Variants in XKR6 observed in about 807,000 individuals in gnomAD.
XKR6 encodes XK related 6.
Under a neutral mutation model 56.7 loss-of-function variants are expected in XKR6, and 22 were observed. That is an observed-to-expected ratio of 0.39 (90% confidence interval 0.28 to 0.55). The LOEUF is 0.55. Ranked by LOEUF, XKR6 falls within the 20% of genes least tolerant of loss-of-function variation. The probability of loss-of-function intolerance (pLI) is 0.66; values close to 1 mark genes in which losing one functional copy is unlikely to be tolerated. For synonymous variants in XKR6, 524 were observed against 387.8 expected (o/e 1.35, Z -4.13); for missense variants, 852 against 889.0 (o/e 0.96, Z 0.53).
chr8:11,095,455 T>G (rs771964365), intron 1 of XKR6, among the ~76,000 whole-genome samples: 1 of 152,200 alleles, frequency 6.6e-6, no homozygotes, highest in African/African-American at 2.4e-5. Flanking sequence ...GCCAGTCAAA[T>G]AGGTAACACT....
chr8:10,974,217 C>T (rs1215157768), intron 1 of XKR6, among the ~76,000 whole-genome samples: 1 of 152,190 alleles, frequency 6.6e-6, no homozygotes, highest in Non-Finnish European at 1.5e-5. Flanking sequence ...CACATGTTAG[C>T]TGTAAGCGAA....
chr8:11,074,988 G>C (rs964485016), intron 1 of XKR6, among the ~76,000 whole-genome samples: 6 of 152,206 alleles, frequency 3.9e-5, no homozygotes, highest in African/African-American at 1.4e-4. Flanking sequence ...CCAGGACGCA[G>C]AGCAGAGCCT....
At chr8:11,135,055 C>T (rs1800312475) in intron 1 of XKR6, among the ~76,000 whole-genome samples, 2 of 142,484 alleles carry the variant, frequency 1.4e-5, no homozygotes, top group South Asian at 2.2e-4. Flanking sequence ...TTTTTTGAGG[C>T]GGAGTCTCCC....
At chr8:11,132,373 C>T (rs1476449824) in intron 1 of XKR6, among the ~76,000 whole-genome samples, 1 of 150,660 alleles carries the variant, frequency 6.6e-6, no homozygotes, top group Non-Finnish European at 1.5e-5. Context: ...CTTTTTTTTT[C>T]CCCCAGACGG....
At chr8:10,986,250 A>C (rs575695814) in intron 1 of XKR6, among the ~76,000 whole-genome samples, 2 of 152,378 alleles carry the variant, frequency 1.3e-5, no homozygotes, top group Admixed American at 1.3e-4. Context: ...GTGGATACCA[A>C]CTTCACAACG....
At chr8:10,992,652 C>G (rs1798020031) in intron 1 of XKR6, among the ~76,000 whole-genome samples, 1 of 148,332 alleles carries the variant, frequency 6.7e-6, no homozygotes, top group South Asian at 2.1e-4. Flanking sequence ...GAACCTAGAG[C>G]AGATCCCCCT....
chr8:10,955,693 C>A (rs923202861), intron 1 of XKR6, among the ~76,000 whole-genome samples: 3 of 152,276 alleles, frequency 2.0e-5, no homozygotes, highest in Admixed American at 6.5e-5. Context: ...GTTTTCCCTG[C>A]CAGACACCCA....
At chr8:11,163,566 A>G (rs1801924037) in intron 1 of XKR6, among the ~76,000 whole-genome samples, 1 of 152,212 alleles carries the variant, frequency 6.6e-6, no homozygotes, top group South Asian at 2.1e-4. Flanking sequence ...ACAAAGTCTA[A>G]GGGCAAACAT....
At chr8:11,154,651 T>A (rs1424399427) in intron 1 of XKR6, among the ~76,000 whole-genome samples, 1 of 152,226 alleles carries the variant, frequency 6.6e-6, no homozygotes, top group Admixed American at 6.5e-5. Context: ...ACTCACAGTT[T>A]GGCTAATGCT....
intron 1 of XKR6, among the ~76,000 whole-genome samples, chr8:11,092,858 C>G (rs1463415800): frequency 2.6e-5 from 4 of 152,166 alleles, no homozygotes; most frequent in African/African-American, 9.7e-5. Flanking sequence ...CCAAACCATC[C>G]AACCAGTCAG....
chr8:10,938,779 T>A (rs1449411585), intron 1 of XKR6, among the ~76,000 whole-genome samples: 8 of 152,174 alleles, frequency 5.3e-5, no homozygotes, highest in African/African-American at 1.7e-4. Flanking sequence ...GGTGACTATG[T>A]GAATCCGCGT....
intron 1 of XKR6, among the ~76,000 whole-genome samples, chr8:10,931,888 G>C (rs757924845): frequency 9.2e-5 from 14 of 151,954 alleles, no homozygotes; most frequent in Non-Finnish European, 1.9e-4. Context: ...GAATGACATT[G>C]TTAAGAGAAT....
At chr8:11,012,461 T>A (rs1288876834) in intron 1 of XKR6, among the ~76,000 whole-genome samples, 1 of 152,226 alleles carries the variant, frequency 6.6e-6, no homozygotes, top group African/African-American at 2.4e-5. Flanking sequence ...ACTGTTAGTA[T>A]CTATCATTGT....
intron 1 of XKR6, among the ~76,000 whole-genome samples, chr8:11,017,043 T>TA (rs1165257271): frequency 6.6e-6 from 1 of 152,246 alleles, no homozygotes; most frequent in Non-Finnish European, 1.5e-5. Context: ...TATGGATAGA[T>TA]ACATATGGAT....
At chr8:11,142,045 A>T (rs1263153921) in intron 1 of XKR6, among the ~76,000 whole-genome samples, 3 of 152,040 alleles carry the variant, frequency 2.0e-5, no homozygotes, top group African/African-American at 7.2e-5. Context: ...AAAGGAAAAA[A>T]GGAAACACCA....
intron 1 of XKR6, chr8:11,105,603 G>A (rs1208937852): frequency 2.0e-5 from 3 of 152,330 alleles, no homozygotes; most frequent in Admixed American, 6.5e-5. Flanking sequence ...TTAGATCATC[G>A]TATTGATACG....
At chr8:10,902,676 A>G (rs934427310) in intron 2 of XKR6, among the ~76,000 whole-genome samples, 1 of 152,192 alleles carries the variant, frequency 6.6e-6, no homozygotes, top group Non-Finnish European at 1.5e-5. Flanking sequence ...TGACACTGTG[A>G]AATGCTCCAA....
chr8:11,024,969 C>T (rs991902759), intron 1 of XKR6, among the ~76,000 whole-genome samples: 4 of 152,224 alleles, frequency 2.6e-5, no homozygotes, highest in Non-Finnish European at 4.4e-5. Context: ...AAAGTGGCTG[C>T]CTCAGGCCCT....
At chr8:11,139,099 T>C (rs976099988) in intron 1 of XKR6, among the ~76,000 whole-genome samples, 3 of 152,212 alleles carry the variant, frequency 2.0e-5, no homozygotes. Flanking sequence ...CATTAACCTT[T>C]AATAGTAAAT....
Sources: gnomAD v4.1 joint callset for allele counts (sites outside exome capture counted in the v4.1 genomes callset) on GRCh38, gnomAD v4.1.1 for gene constraint, MANE v1.5 for transcripts, NCBI Gene and HGNC (gene_info 2026-07-23, HGNC 2026-07-21) for gene names.